Variants in FOXK2 observed in about 807,000 individuals in gnomAD.
FOXK2 encodes the protein forkhead box K2.
In FOXK2, 24 loss-of-function variants were observed where a neutral mutation model predicts 53.3. The observed-to-expected ratio is 0.45, with a 90% CI of 0.33 to 0.63. The LOEUF is 0.63. FOXK2 is among the 30% of genes least tolerant of loss of function. The probability of loss-of-function intolerance (pLI) is 0.03; values close to 1 mark genes in which losing one functional copy is unlikely to be tolerated. For synonymous variants in FOXK2, 505 were observed against 407.1 expected (o/e 1.24, Z -2.89); for missense variants, 952 against 910.5 (o/e 1.05, Z -0.59).
At chr17:82,578,858 C>T (rs896280147) in intron 4 of FOXK2, among the ~76,000 whole-genome samples, 3 of 152,188 alleles carry the variant, frequency 2.0e-5, no homozygotes, top group Admixed American at 6.5e-5. Context: ...GCCCGTGTCA[C>T]GTTCTTCTGC....
chr17:82,532,804 G>T (rs2044485130), intron 1 of FOXK2, among the ~76,000 whole-genome samples: 10 of 152,020 alleles, frequency 6.6e-5, no homozygotes, highest in Admixed American at 5.9e-4. Context: ...CTGACCTGAG[G>T]TGATCTGCCT....
At chr17:82,534,366 A>G (rs2044500864) in intron 1 of FOXK2, among the ~76,000 whole-genome samples, 1 of 152,208 alleles carries the variant, frequency 6.6e-6, no homozygotes, top group African/African-American at 2.4e-5. Context: ...AGGGCACATG[A>G]CTTGTCGTAC....
chr17:82,574,936 A>T (rs2044965679), intron 4 of FOXK2, among the ~76,000 whole-genome samples: 1 of 152,226 alleles, frequency 6.6e-6, no homozygotes, highest in Non-Finnish European at 1.5e-5. Context: ...TTTTCATGGT[A>T]CAAAAGTATT....
At chr17:82,532,858 G>A (rs915499427) in intron 1 of FOXK2, among the ~76,000 whole-genome samples, 1 of 152,116 alleles carries the variant, frequency 6.6e-6, no homozygotes, top group African/African-American at 2.4e-5. Flanking sequence ...GTGAGCCACC[G>A]CGCCTGACCA....
At chr17:82,573,560 TCTCACACACACACACA>T (rs1260188798) in intron 4 of FOXK2, among the ~76,000 whole-genome samples, 4 of 101,886 alleles carry the variant, frequency 3.9e-5, no homozygotes, top group South Asian at 7.4e-4. Flanking sequence ...TCTCTCTCTC[TCTCACACACACACACA>T]CACACACACA....
chr17:82,581,545 G>A (rs773640725), intron 4 of FOXK2, among the ~76,000 whole-genome samples: 47 of 148,582 alleles, frequency 3.2e-4, no homozygotes, highest in Non-Finnish European at 5.8e-4. Flanking sequence ...GCGCAATCTC[G>A]GCTCACTGCA....
intron 1 of FOXK2, among the ~76,000 whole-genome samples, chr17:82,532,093 C>A (rs2044477434): frequency 6.7e-6 from 1 of 148,636 alleles, no homozygotes; most frequent in African/African-American, 2.5e-5. Flanking sequence ...CAGGTAAACA[C>A]CTACCTTGGC....
At chr17:82,550,913 A>G (rs2044670646) in intron 1 of FOXK2, among the ~76,000 whole-genome samples, 1 of 152,212 alleles carries the variant, frequency 6.6e-6, no homozygotes, top group South Asian at 2.1e-4. Context: ...ACTGTGAAGC[A>G]CTGCGTGCAG....
chr17:82,577,089 A>G (rs2044996612), intron 4 of FOXK2: 7 of 472,308 alleles, frequency 1.5e-5, no homozygotes, highest in Non-Finnish European at 2.7e-5. Flanking sequence ...TTGAACCCAC[A>G]TGGCGGAGAC....
At chr17:82,552,457 C>T (rs928685498) in intron 1 of FOXK2, among the ~76,000 whole-genome samples, 3 of 152,180 alleles carry the variant, frequency 2.0e-5, no homozygotes, top group African/African-American at 4.8e-5. Context: ...CACCCACCGT[C>T]GCTCCTGCCC....
At chr17:82,558,013 A>G (rs905854581) in intron 1 of FOXK2, among the ~76,000 whole-genome samples, 7 of 152,134 alleles carry the variant, frequency 4.6e-5, no homozygotes, top group Non-Finnish European at 2.9e-5. Context: ...ATGTCCTCAC[A>G]GCACTAATTG....
chr17:82,592,373 G>A lies in FOXK2; in HGVS notation c.1786+5101G>A, dbSNP rs193056324. 3.8e-3 allele frequency among the ~76,000 whole-genome samples: 575 copies of A among 152,344 alleles called. 4 individuals carry two copies. The highest frequency in any genetic ancestry group is 5.2e-3 in the Non-Finnish European group (353 of 68,040). On this transcript the variant is annotated intron_variant, in intron 8 of 8. Coordinates refer to ENST00000335255, the MANE Select transcript of FOXK2 (RefSeq NM_004514.4). ...GGTCCTTCATGGGGCTCACATGTGT[G>A]TCCTCTTGTTTTCTTTCTGTCACCT...
In FOXK2 at chr17:82,586,548, C is replaced by CCA. The variant is rs113255929; in HGVS notation, c.1576+348_1576+349insCA. On this transcript the variant is annotated intron_variant, in intron 7 of 8. Transcript: ENST00000335255. ...AGACCACAGGGAGGTCAAAGGTAGG[C>CCA]GGAGGGGAAAGGAGGAGAGGCTGCC... Among the ~76,000 whole-genome samples the CCA allele has an allele frequency of 1.0e-4, 6 of 57,592 alleles. 1 individual carries two copies. Among genetic ancestry groups the CCA allele is most frequent in the Non-Finnish European group, 1.9e-4 (6 of 32,326 alleles). 37.8% of individuals were successfully genotyped at this position (57,592 alleles called of 152,430 possible).
intron 1 of FOXK2, among the ~76,000 whole-genome samples, chr17:82,522,279 A>C (rs1245259908): frequency 6.6e-6 from 1 of 151,338 alleles, no homozygotes; most frequent in Non-Finnish European, 1.5e-5. Context: ...CTATGATTGC[A>C]CCACTGCATT....
rs895515536 is a variant in FOXK2, at chr17:82,529,678, G to A, written c.419+9371G>A. ...TGGGATTACAGGCGTGAGCCATGGC[G>A]CCCCACCTGAAAGTGCCTTTTGTAA... On this transcript the variant is annotated intron_variant, in intron 1 of 8. Coordinates refer to ENST00000335255, the MANE Select transcript of FOXK2 (RefSeq NM_004514.4). Among the ~76,000 whole-genome samples, 4 of 152,070 alleles carry A rather than the reference G, an allele frequency of 2.6e-5. No homozygotes were observed. In the South Asian group the frequency reaches 6.2e-4, roughly 24 times the overall value.
intron 1 of FOXK2, among the ~76,000 whole-genome samples, chr17:82,562,860 C>G (rs2044811443): frequency 6.6e-6 from 1 of 150,950 alleles, no homozygotes; most frequent in Non-Finnish European, 1.5e-5. Context: ...GACTGAAGTG[C>G]AGTGGCACTA....
At chr17:82,539,209 G>C (rs924094232) in intron 1 of FOXK2, among the ~76,000 whole-genome samples, 3 of 148,168 alleles carry the variant, frequency 2.0e-5, no homozygotes, top group Non-Finnish European at 3.0e-5. Context: ...GCTCAGGCCC[G>C]TAATCTCAGC....
intron 1 of FOXK2, among the ~76,000 whole-genome samples, chr17:82,541,077 A>C (rs1332243333): frequency 6.6e-6 from 1 of 151,962 alleles, no homozygotes; most frequent in East Asian, 1.9e-4. Flanking sequence ...GACCAAGCAA[A>C]TTCCTGTGTG....
intron 1 of FOXK2, among the ~76,000 whole-genome samples, chr17:82,521,405 C>G (rs1215277104): frequency 6.6e-6 from 1 of 151,458 alleles, no homozygotes; most frequent in Non-Finnish European, 1.5e-5. Context: ...AACTCCTGAC[C>G]TCGTGATCCA....
Sources: allele counts gnomAD v4.1 joint callset (sites outside exome capture counted in the v4.1 genomes callset), GRCh38; gene constraint gnomAD v4.1.1; transcripts MANE v1.5; gene names NCBI Gene and HGNC (gene_info 2026-07-23, HGNC 2026-07-21).